Variants in CMSS1 observed in about 807,000 individuals in gnomAD.
CMSS1 encodes the protein cms1 ribosomal small subunit homolog, also known as protein CMSS1.
Under a neutral mutation model 43.5 loss-of-function variants are expected in CMSS1, and 33 were observed. That is an observed-to-expected ratio of 0.76 (90% CI 0.57 to 1.01). CMSS1 has a LOEUF of 1.01. Among genes scored for constraint, CMSS1 ranks in the 50% least tolerant of loss-of-function variants. The pLI, the probability that CMSS1 is intolerant of heterozygous loss-of-function variation, is 0.00. For missense variants in CMSS1, 313 were observed against 326.4 expected, an observed-to-expected ratio of 0.96 and a Z score of 0.32; for synonymous variants, 115 against 117.2, an observed-to-expected ratio of 0.98 and a Z score of 0.12.
At chr3:100,109,088 A>AACTGTCTCTT (rs1491220968) in intron 1 of CMSS1, among the ~76,000 whole-genome samples, 17 of 49,084 alleles carry the variant, frequency 3.5e-4, no homozygotes, top group Admixed American at 3.2e-3. Context: ...ACTGTCTCTT[A>AACTGTCTCTT]AAAAAAAAAA....
At chr3:100,064,533 T>C (rs2065629218) in intron 1 of CMSS1, among the ~76,000 whole-genome samples, 1 of 152,212 alleles carries the variant, frequency 6.6e-6, no homozygotes, top group African/African-American at 2.4e-5. Context: ...TCTTTATGTT[T>C]TGACAAATGC....
At chr3:99,824,875 G>A (rs1341266024) in intron 1 of CMSS1, among the ~76,000 whole-genome samples, 2 of 152,176 alleles carry the variant, frequency 1.3e-5, no homozygotes, top group African/African-American at 4.8e-5. Context: ...TGAGATTGCT[G>A]AAATGAGCTT....
At chr3:100,126,403 T>C (rs2066662322) in intron 1 of CMSS1, among the ~76,000 whole-genome samples, 1 of 152,202 alleles carries the variant, frequency 6.6e-6, no homozygotes, top group Admixed American at 6.5e-5. Context: ...GAGTAATTGA[T>C]TGTTTTGTCA....
At chr3:99,848,481 G>A (rs1375412000) in intron 1 of CMSS1, 1 of 1,614,178 alleles carries the variant, frequency 6.2e-7, no homozygotes, top group Non-Finnish European at 8.5e-7. Flanking sequence ...GACTTCCTAA[G>A]TGAATGTGGA....
At chr3:99,864,515 C>T (rs148194921) in intron 1 of CMSS1, among the ~76,000 whole-genome samples, 68 of 152,234 alleles carry the variant, frequency 4.5e-4, no homozygotes, top group African/African-American at 1.5e-3. Context: ...TCACTGGCTG[C>T]GAAGTCTGTG....
rs145086643 is a variant in CMSS1 at position 99,993,412 on chromosome 3, A to G, written c.65-153561A>G. The stretch of plus-strand genomic sequence containing the variant: ...CAGGGTTTTCTAGATATAAGATCAT[A>G]TCAGCAGCTAACAGGAAAAATTTGT... On this transcript the variant is annotated intron_variant, in intron 1 of 9. Transcript: ENST00000421999. Among the ~76,000 whole-genome samples, 12 of 152,170 alleles carry G rather than the reference A, an allele frequency of 7.9e-5. No individual in the cohort carries two copies. In the South Asian group the frequency reaches 1.5e-3, roughly 18 times the overall value.
intron 1 of CMSS1, among the ~76,000 whole-genome samples, chr3:100,099,347 G>T (rs1477535428): frequency 6.6e-6 from 1 of 152,030 alleles, no homozygotes; most frequent in Non-Finnish European, 1.5e-5. Flanking sequence ...AATCCTATCA[G>T]AATTATGCAT....
intron 1 of CMSS1, among the ~76,000 whole-genome samples, chr3:99,836,786 G>A (rs1442458032): frequency 6.6e-6 from 1 of 152,182 alleles, no homozygotes. Context: ...GCTTGCTAGG[G>A]GAAAGGAAAT....
intron 1 of CMSS1, among the ~76,000 whole-genome samples, chr3:100,013,354 C>T (rs2107202672): frequency 6.6e-6 from 1 of 152,224 alleles, no homozygotes; most frequent in Admixed American, 6.5e-5. Context: ...AGCGATTCTC[C>T]TGCCTCAGCC....
intron 1 of CMSS1, among the ~76,000 whole-genome samples, chr3:99,921,223 A>G (rs1243839900): frequency 1.3e-5 from 2 of 152,194 alleles, no homozygotes; most frequent in African/African-American, 4.8e-5. Context: ...GTCACTTGAA[A>G]GCAAGGCACA....
intron 1 of CMSS1, among the ~76,000 whole-genome samples, chr3:99,869,060 C>T (rs1054619006): frequency 1.3e-5 from 2 of 152,166 alleles, no homozygotes; most frequent in African/African-American, 4.8e-5. Flanking sequence ...GTATAACCAT[C>T]CCTTAGGCTG....
At chr3:99,952,853 A>C (rs1360931434) in intron 1 of CMSS1, among the ~76,000 whole-genome samples, 1 of 152,182 alleles carries the variant, frequency 6.6e-6, no homozygotes, top group Non-Finnish European at 1.5e-5. Flanking sequence ...CAATCTTTAT[A>C]TGTTGGATTG....
chr3:99,836,888 G>T (rs1338587149), intron 1 of CMSS1, among the ~76,000 whole-genome samples: 1 of 152,174 alleles, frequency 6.6e-6, no homozygotes, highest in African/African-American at 2.4e-5. Context: ...TCGCAGAAAG[G>T]TTTGCCACTT....
chr3:100,058,155 C>A (rs977083219), intron 1 of CMSS1, among the ~76,000 whole-genome samples: 6 of 152,192 alleles, frequency 3.9e-5, no homozygotes, highest in African/African-American at 1.4e-4. Context: ...CTGGCAGAAC[C>A]AAGACTGAGA....
chr3:99,833,575 A>G (rs1216983127), intron 1 of CMSS1, among the ~76,000 whole-genome samples: 1 of 152,258 alleles, frequency 6.6e-6, no homozygotes, highest in Non-Finnish European at 1.5e-5. Context: ...CAGATCTCAG[A>G]CAGCTGGAGT....
At chr3:99,981,153 C>T (rs1342156025) in intron 1 of CMSS1, among the ~76,000 whole-genome samples, 1 of 152,188 alleles carries the variant, frequency 6.6e-6, no homozygotes, top group African/African-American at 2.4e-5. Context: ...CACAAACACC[C>T]TGTGCTGGGA....
chr3:100,020,429 A>G (rs886480198), intron 1 of CMSS1, among the ~76,000 whole-genome samples: 7 of 152,208 alleles, frequency 4.6e-5, no homozygotes, highest in African/African-American at 1.7e-4. Flanking sequence ...TAGTCACTGA[A>G]CTTCCAAAAG....
At chr3:99,955,886 G>A (rs1187926404) in intron 1 of CMSS1, among the ~76,000 whole-genome samples, 2 of 152,042 alleles carry the variant, frequency 1.3e-5, no homozygotes, top group African/African-American at 2.4e-5. Context: ...TGAATTAAAC[G>A]CATCTTCTCT....
intron 1 of CMSS1, among the ~76,000 whole-genome samples, chr3:100,126,871 G>A (rs1289888559): frequency 2.0e-5 from 3 of 152,070 alleles, no homozygotes; most frequent in Non-Finnish European, 2.9e-5. Flanking sequence ...GGTGGCGGGC[G>A]CCTATAGTCC....
Sources: allele counts gnomAD v4.1 joint callset (sites outside exome capture counted in the v4.1 genomes callset), GRCh38; gene constraint gnomAD v4.1.1; transcripts MANE v1.5; gene names NCBI Gene and HGNC (gene_info 2026-07-23, HGNC 2026-07-21).